The following PXK variants were observed in gnomAD, a reference collection of about 807,000 sequenced individuals.
The protein encoded by PXK is PX domain-containing protein kinase-like protein.
Under a neutral mutation model 84.7 loss-of-function variants are expected in PXK, and 35 were observed. The ratio of observed to expected loss-of-function variants is 0.41; its 90% CI spans 0.32 to 0.55. The LOEUF (loss-of-function observed/expected upper bound fraction) is 0.55. PXK is among the 20% of genes least tolerant of loss of function. The pLI, the probability that PXK is intolerant of heterozygous loss-of-function variation, is 0.21. For synonymous variants in PXK, 253 were observed against 260.8 expected, an observed-to-expected ratio of 0.97 and a Z score of 0.29; for missense variants, 634 against 699.7, an observed-to-expected ratio of 0.91 and a Z score of 1.06.
At chr3:58,395,838 T>C (rs1233445403) in intron 9 of PXK, 79 bp downstream of exon 9, 3 of 1,140,322 alleles carry the variant, frequency 2.6e-6, no homozygotes, top group Non-Finnish European at 3.8e-6. Flanking sequence ...TCTTAAGTAA[T>C]ATCCAAAATT....
At position 58,382,534 on chromosome 3, in the gene PXK, T is replaced by A. The variant is rs764572553; in HGVS notation, c.222T>A (p.Pro74=). ...NSLQIAGLSL[P]LPPKKLIGNM... ...TAAAGATTGCAGGCCTAAGTCTACCTCTTCCTCCCAAAAAATTGATTGGTA... is the reference window on the plus strand; with the variant it reads ...TAAAGATTGCAGGCCTAAGTCTACCACTTCCTCCCAAAAAATTGATTGGTA... Residue 74 remains proline (P), a synonymous_variant, in exon 4 of 18, where the codon CCT becomes CCA. Transcript: ENST00000356151. The A allele has an allele frequency of 1.9e-6, 3 of 1,573,050 alleles. No individual in the cohort carries two copies. The highest frequency in any genetic ancestry group is 2.6e-6 in the Non-Finnish European group (3 of 1,164,150).
chr3:58,351,395 TTG>T (rs57349140), intron 1 of PXK, among the ~76,000 whole-genome samples: 17,257 of 140,382 alleles, frequency 0.12, 1,051 homozygotes, highest in Middle Eastern at 0.15. Flanking sequence ...AGCTAGCTAT[TTG>T]TGTGTGTGTG....
rs139991764 is a variant in PXK, at chr3:58,400,522, A to G, written c.1181+1145A>G. ...AGCTGCTGTCCTAGGCACTGTAATG[A>G]AAAGAGGAAACCAAGCCCCTGCCCC... On this transcript the variant is annotated intron_variant, in intron 12 of 17. Coordinates refer to ENST00000356151, the MANE Select transcript of PXK (RefSeq NM_017771.5). This position sits in a 1 kb window ranked among gnomAD's most constrained non-coding sequence, Gnocchi z 4.0. 1.4e-4 allele frequency among the ~76,000 whole-genome samples: 21 copies of G among 152,304 alleles called. No homozygotes were observed. The highest frequency in any genetic ancestry group is 2.5e-4 in the Non-Finnish European group (17 of 68,018).
chr3:58,395,242 T>G, intron 8 of PXK, 140 bp downstream of exon 8: 1 of 590,912 alleles, frequency 1.7e-6, no homozygotes. Context: ...TTATTTTTAT[T>G]CATGCAATAA....
intron 3 of PXK, among the ~76,000 whole-genome samples, chr3:58,372,058 G>A (rs7618604): frequency 0.23 from 34,595 of 151,910 alleles, 5,102 homozygotes; most frequent in African/African-American, 0.41. Context: ...TTGGACACAT[G>A]TCTGAGTCCA....
At chr3:58,336,058 TATATATATATA>T (rs1380961795) in intron 1 of PXK, among the ~76,000 whole-genome samples, 2 of 55,856 alleles carry the variant, frequency 3.6e-5, no homozygotes, top group African/African-American at 2.4e-4. Flanking sequence ...TATATATATA[TATATATATATA>T]TATTTTTTTT....
rs1202392475 is a variant in PXK at position 58,409,654 on chromosome 3, T to A, written c.1395+36T>A. On this transcript the variant is annotated intron_variant, in intron 15 of 17. Transcript: ENST00000356151. The surrounding 1 kb of genome is among the most constrained non-coding windows in gnomAD (Gnocchi z 4.2). ...TGTCTCTCTGCAGTCCCTCTATGAGTTCTTGAGTACATGTGAAGAAAGTTC... is the reference window on the plus strand; with the variant it reads ...TGTCTCTCTGCAGTCCCTCTATGAGATCTTGAGTACATGTGAAGAAAGTTC... 1 of 1,529,442 alleles carries A rather than the reference T, an allele frequency of 6.5e-7. No homozygotes were observed. The highest frequency in any genetic ancestry group is 8.9e-7 in the Non-Finnish European group (1 of 1,117,796). The allele number at this position is 1,529,442 out of a possible 1,614,324, so 94.7% of individuals were successfully genotyped here. A position where few individuals can be genotyped will look rare whatever the true frequency, so the allele number is the denominator to read the frequency against.
In PXK at chr3:58,425,034, T is replaced by C. The variant is rs2062643751; in HGVS notation, c.*74T>C. Reference sequence around the variant, plus strand: ...ACCCCTACCCCCCAAACTACCCTCTTCCTGGGAAAGTAATTGCTGAGCCAG... The same window carrying C: ...ACCCCTACCCCCCAAACTACCCTCTCCCTGGGAAAGTAATTGCTGAGCCAG... On this transcript the variant is annotated 3_prime_UTR_variant, in exon 18 of 18. Transcript: ENST00000356151. 1 of 1,556,748 alleles carries C rather than the reference T, an allele frequency of 6.4e-7. No individual in the cohort carries two copies. Among genetic ancestry groups the C allele is most frequent in the Non-Finnish European group, 8.7e-7 (1 of 1,149,670 alleles).
At chr3:58,410,944 A>G (rs1361198928) in intron 16 of PXK, among the ~76,000 whole-genome samples, 1 of 152,222 alleles carries the variant, frequency 6.6e-6, no homozygotes, top group Non-Finnish European at 1.5e-5. Flanking sequence ...TTGAAGATGC[A>G]AAAGAGACGG....
chr3:58,378,132 C>T (rs193284128), intron 3 of PXK, among the ~76,000 whole-genome samples: 175 of 152,290 alleles, frequency 1.1e-3, no homozygotes, highest in African/African-American at 3.8e-3. Context: ...AAAACATGTA[C>T]GTACTATACG....
chr3:58,368,424 G>A (rs2098311153), intron 2 of PXK, among the ~76,000 whole-genome samples: 1 of 152,196 alleles, frequency 6.6e-6, no homozygotes, highest in African/African-American at 2.4e-5. Flanking sequence ...CTAGGCTCAA[G>A]CGATTCTAGT....
At position 58,397,061 on chromosome 3, in the gene PXK, A is replaced by G. The variant is rs758777119; in HGVS notation, c.845A>G (p.Lys282Arg). The G allele has an allele frequency of 5.6e-6, 9 of 1,613,998 alleles. No homozygotes were observed. The highest frequency in any genetic ancestry group is 1.1e-5 in the South Asian group (1 of 91,088). ...TAGGTACTGAAGTTTCTTCATGACA[A>G]GGGATTCCCTTATGGGCATCTTCAC... ...ILEVLKFLHDKGFPYGHLHAS... is the reference protein window; with the variant it reads ...ILEVLKFLHDRGFPYGHLHAS... Residue 282 changes from lysine to arginine, a missense_variant, in exon 10 of 18, where the codon AAG (lysine) becomes AGG (arginine). Lys to Arg is a conservative substitution (Grantham distance 26). Transcript: ENST00000356151. The surrounding 1 kb of genome is among the most constrained non-coding windows in gnomAD (Gnocchi z 4.7).
intron 7 of PXK, among the ~76,000 whole-genome samples, chr3:58,392,570 AT>A (rs1450019189): frequency 6.6e-6 from 1 of 152,096 alleles, no homozygotes. Context: ...AAACCAAGCT[AT>A]TAATGAGGTG....
At chr3:58,423,419 C>G (rs535839246) in intron 17 of PXK, 44 of 1,521,190 alleles carry the variant, frequency 2.9e-5, no homozygotes, top group Middle Eastern at 1.7e-4. Flanking sequence ...TCCAAGATTG[C>G]AGAGCATGAG....
intron 2 of PXK, 29 bp downstream of exon 2, chr3:58,365,953 AT>A: frequency 6.9e-7 from 1 of 1,453,694 alleles, no homozygotes; most frequent in South Asian, 1.3e-5. Flanking sequence ...TTTTTTGTCA[AT>A]TAGAAAAATA....
chr3:58,351,608 A>G (rs2097926706), intron 1 of PXK, among the ~76,000 whole-genome samples: 1 of 152,118 alleles, frequency 6.6e-6, no homozygotes, highest in Non-Finnish European at 1.5e-5. Flanking sequence ...ATGTGTAGCA[A>G]ACTGAGAAAC....
chr3:58,377,874 C>T (rs1296441497), intron 3 of PXK, among the ~76,000 whole-genome samples: 1 of 152,160 alleles, frequency 6.6e-6, no homozygotes, highest in Non-Finnish European at 1.5e-5. Flanking sequence ...AGATGGGAAG[C>T]AGATAATCTC....
intron 4 of PXK, among the ~76,000 whole-genome samples, chr3:58,389,691 A>T (rs2098603733): frequency 6.6e-6 from 1 of 151,358 alleles, no homozygotes; most frequent in Non-Finnish European, 1.5e-5. Context: ...AAAAAAAACC[A>T]CACGCACCAG....
intron 3 of PXK, among the ~76,000 whole-genome samples, chr3:58,377,272 CATT>C (rs963472304): frequency 1.3e-5 from 2 of 152,190 alleles, no homozygotes; most frequent in Non-Finnish European, 2.9e-5. Context: ...TTGGCTGCAT[CATT>C]GTTGTTTGAA....
Sources: gnomAD v4.1 joint callset for allele counts (sites outside exome capture counted in the v4.1 genomes callset) on GRCh38, gnomAD v4.1.1 for gene constraint, Gnocchi (gnomAD v3.1) non-coding constraint, MANE v1.5 for transcripts, NCBI Gene and HGNC (gene_info 2026-07-23, HGNC 2026-07-21) for gene names.